The following COL22A1 variants were observed in gnomAD, a reference collection of about 807,000 sequenced individuals.
COL22A1 encodes collagen alpha-1(XXII) chain.
Under a neutral mutation model 248.9 loss-of-function variants are expected in COL22A1, and 221 were observed. The ratio of observed to expected loss-of-function variants is 0.89; its 90% CI spans 0.80 to 0.99. COL22A1 has a LOEUF of 0.99. COL22A1 is among the 50% of genes least tolerant of loss of function. The pLI, the probability that COL22A1 is intolerant of heterozygous loss-of-function variation, is 0.00. For missense variants in COL22A1, 2,240 were observed against 2,179.0 expected (o/e 1.03, Z -0.56); for synonymous variants, 891 against 793.4 (o/e 1.12, Z -2.07).
chr8:138,605,474 T>G (rs966626756), intron 58 of COL22A1, among the ~76,000 whole-genome samples: 3 of 151,606 alleles, frequency 2.0e-5, no homozygotes, highest in African/African-American at 7.3e-5. Context: ...AGCAAGGGAG[T>G]GAATAAGCCC....
chr8:138,865,487 A>G (rs966529512), intron 3 of COL22A1, among the ~76,000 whole-genome samples: 10 of 139,288 alleles, frequency 7.2e-5, no homozygotes, highest in African/African-American at 8.3e-5. Context: ...GTTTGTATGC[A>G]TGTGTATGTG....
At chr8:138,654,874 AAC>A (rs1823088195) in intron 45 of COL22A1, among the ~76,000 whole-genome samples, 1 of 152,138 alleles carries the variant, frequency 6.6e-6, no homozygotes, top group Non-Finnish European at 1.5e-5. Flanking sequence ...TGGTTCTAGA[AAC>A]CAGTCAAGTC....
rs1481749945 is a variant in COL22A1 at position 138,602,109 on chromosome 8, A to C, written c.4185+6T>G. The C allele has an allele frequency of 6.2e-7, 1 of 1,613,788 alleles. No homozygotes were observed. Among genetic ancestry groups the C allele is most frequent in the Non-Finnish European group, 8.5e-7 (1 of 1,179,934 alleles). Reference sequence around the variant, plus strand: ...CGTGTTCAAGGTGCCTGTGCTCTCCACTCACCCTTTCTCCTTTGAATCCAG... The same window carrying C: ...CGTGTTCAAGGTGCCTGTGCTCTCCCCTCACCCTTTCTCCTTTGAATCCAG... On this transcript the variant is annotated splice_donor_region_variant and intron_variant, in intron 60 of 64. Coordinates refer to ENST00000303045, the MANE Select transcript of COL22A1 (RefSeq NM_152888.3).
intron 63 of COL22A1, among the ~76,000 whole-genome samples, chr8:138,593,206 AG>A (rs2131781512): frequency 6.6e-6 from 1 of 152,060 alleles, no homozygotes; most frequent in South Asian, 2.1e-4. Flanking sequence ...ATCACACACC[AG>A]GGCCTGTCGG....
chr8:138,655,384 G>C (rs961620634), intron 45 of COL22A1, among the ~76,000 whole-genome samples: 3 of 151,966 alleles, frequency 2.0e-5, no homozygotes, highest in Admixed American at 6.6e-5. Context: ...TTTGAAACAG[G>C]GTCTTGCTCT....
intron 6 of COL22A1, among the ~76,000 whole-genome samples, chr8:138,821,978 C>G (rs1270121803): frequency 6.6e-6 from 1 of 152,210 alleles, no homozygotes; most frequent in Non-Finnish European, 1.5e-5. Flanking sequence ...GGAAAATGCA[C>G]AGGCATTTTG....
intron 49 of COL22A1, 96 bp from the exon 50 acceptor site, chr8:138,630,844 T>C: frequency 9.4e-7 from 1 of 1,063,892 alleles, no homozygotes; most frequent in East Asian, 2.4e-5. Flanking sequence ...ATATGGTTGG[T>C]TATCTGTCCC....
chr8:138,763,016 C>T (rs1419062757), intron 16 of COL22A1, among the ~76,000 whole-genome samples: 3 of 152,162 alleles, frequency 2.0e-5, no homozygotes, highest in East Asian at 1.9e-4. Flanking sequence ...AGTCACTTCA[C>T]CTCTCTGAGA....
chr8:138,874,413 G>A (rs965985244), intron 3 of COL22A1, among the ~76,000 whole-genome samples: 3 of 152,182 alleles, frequency 2.0e-5, no homozygotes, highest in Non-Finnish European at 2.9e-5. Context: ...TTTCCTTGAG[G>A]GAGCTGGGCT....
chr8:138,694,393 A>G, intron 34 of COL22A1, 115 bp downstream of exon 34: 1 of 1,054,470 alleles, frequency 9.5e-7, no homozygotes. Context: ...TGCTCTGCCC[A>G]GCGTCTACTC....
intron 63 of COL22A1, among the ~76,000 whole-genome samples, chr8:138,593,720 A>G (rs1817283411): frequency 6.6e-6 from 1 of 152,180 alleles, no homozygotes; most frequent in African/African-American, 2.4e-5. Flanking sequence ...TCAGTAGGGG[A>G]AAAAGGAGGC....
chr8:138,768,829 C>T (rs559623911), intron 16 of COL22A1, among the ~76,000 whole-genome samples: 3 of 152,074 alleles, frequency 2.0e-5, no homozygotes, highest in East Asian at 1.9e-4. Flanking sequence ...CCCAGCTATT[C>T]GGGAGGCTGA....
intron 4 of COL22A1, among the ~76,000 whole-genome samples, chr8:138,842,721 A>T (rs1369900519): frequency 6.6e-6 from 1 of 152,246 alleles, no homozygotes; most frequent in East Asian, 1.9e-4. Context: ...AGATATAAAT[A>T]CACTTATTTC....
intron 31 of COL22A1, among the ~76,000 whole-genome samples, chr8:138,700,714 G>T (rs1827885289): frequency 6.6e-6 from 1 of 152,216 alleles, no homozygotes; most frequent in South Asian, 2.1e-4. Context: ...GTCGGGCGCG[G>T]TGGCTCACGC....
chr8:138,736,840 G>A (rs959797525), intron 23 of COL22A1, among the ~76,000 whole-genome samples: 1 of 152,154 alleles, frequency 6.6e-6, no homozygotes, highest in Non-Finnish European at 1.5e-5. Context: ...TTTACAGATG[G>A]GGAAACTGAG....
At chr8:138,738,975 C>G (rs1418293656) in intron 22 of COL22A1, among the ~76,000 whole-genome samples, 1 of 152,082 alleles carries the variant, frequency 6.6e-6, no homozygotes, top group Non-Finnish European at 1.5e-5. Context: ...CCAGCATAAC[C>G]CATAACATTG....
rs112070386 is a variant in COL22A1, at chr8:138,758,898, T to C, written c.1902+1345A>G. On this transcript the variant is annotated intron_variant, in intron 18 of 64. Transcript: ENST00000303045. The stretch of plus-strand genomic sequence containing the variant: ...TCTAAATAAGGTGGAAGGTTGAAAC[T>C]TATAACACCCACACATAGGCGGCAG... 5.2e-3 allele frequency among the ~76,000 whole-genome samples: 793 copies of C among 152,258 alleles called. 4 individuals are homozygous for C. The highest frequency in any genetic ancestry group is 0.014 in the Middle Eastern group (4 of 294).
intron 56 of COL22A1, among the ~76,000 whole-genome samples, chr8:138,613,234 C>T (rs1444780982): frequency 3.7e-5 from 5 of 136,784 alleles, no homozygotes; most frequent in Admixed American, 7.8e-5. Flanking sequence ...GGTGACAGAG[C>T]GAGACTCCGT....
chr8:138,848,523 T>C (rs954477748), intron 3 of COL22A1, among the ~76,000 whole-genome samples: 37 of 152,148 alleles, frequency 2.4e-4, no homozygotes, highest in African/African-American at 8.7e-4. Context: ...TTGCACAATA[T>C]GGCGTCTGAT....
Sources: allele counts gnomAD v4.1 joint callset (sites outside exome capture counted in the v4.1 genomes callset), GRCh38; gene constraint gnomAD v4.1.1; transcripts MANE v1.5; gene names NCBI Gene and HGNC (gene_info 2026-07-23, HGNC 2026-07-21).